The following GUCY2C variants were observed in gnomAD, a reference collection of about 807,000 sequenced individuals.
GUCY2C encodes the protein guanylate cyclase 2C, also known as guanylyl cyclase C.
GUCY2C carries 118 observed loss-of-function variants against 131.1 expected under a neutral mutation model. That is an observed-to-expected ratio of 0.90 (90% CI 0.78 to 1.05). GUCY2C has a LOEUF of 1.05. GUCY2C is among the 50% of genes least tolerant of loss of function. The probability of loss-of-function intolerance (pLI) is 0.00; values close to 1 mark genes in which losing one functional copy is unlikely to be tolerated. For missense variants in GUCY2C, 1,161 were observed against 1,304.4 expected, an observed-to-expected ratio of 0.89 and a Z score of 1.69; for synonymous variants, 452 against 457.8, an observed-to-expected ratio of 0.99 and a Z score of 0.16.
Position 14,625,327 on chromosome 12 carries a change from A to AT in GUCY2C, c.2408+429dup, listed in dbSNP as rs10574172. ...GAACAAGGCTTAGCAAAGTACATGC[A>AT]TTTTTTTTTTTTTTTTTTGAGACGG... On this transcript the variant is annotated intron_variant, in intron 21 of 26. Coordinates refer to ENST00000261170, the MANE Select transcript of GUCY2C (RefSeq NM_004963.4). Among the ~76,000 whole-genome samples, 112 of 129,980 alleles carry AT rather than the reference A, an allele frequency of 8.6e-4. 1 individual carries two copies. The highest frequency in any genetic ancestry group is 3.1e-3 in the African/African-American group (111 of 35,252). 85.3% of individuals were successfully genotyped at this position (129,980 alleles called of 152,430 possible).
chr12:14,671,240 T>A (rs1422336799), intron 9 of GUCY2C, among the ~76,000 whole-genome samples: 1 of 152,112 alleles, frequency 6.6e-6, no homozygotes, highest in Non-Finnish European at 1.5e-5. Context: ...CAGGTTCAAA[T>A]GACTCTCCTG....
At chr12:14,649,830 A>G (rs1333557179) in intron 15 of GUCY2C, among the ~76,000 whole-genome samples, 1 of 152,192 alleles carries the variant, frequency 6.6e-6, no homozygotes, top group African/African-American at 2.4e-5. Flanking sequence ...ATACCAATTA[A>G]TAGAGCCTAG....
Position 14,613,391 on chromosome 12 carries a change from G to T in GUCY2C, c.3048-100C>A. ...CAGTTCAGTTAGTCAGTTACTCTTT[G>T]AATGCCTATTCTGTGCTAGACACAG... On this transcript the variant is annotated intron_variant, in intron 26 of 26. Coordinates refer to ENST00000261170, the MANE Select transcript of GUCY2C (RefSeq NM_004963.4). This position sits in a 1 kb window ranked among gnomAD's most constrained non-coding sequence, Gnocchi z 4.9. The T allele has an allele frequency of 1.2e-6, 1 of 867,052 alleles. No individual in the cohort carries two copies. The highest frequency in any genetic ancestry group is 1.9e-6 in the Non-Finnish European group (1 of 523,334). 53.7% of individuals were successfully genotyped at this position (867,052 alleles called of 1,614,324 possible).
intron 11 of GUCY2C, among the ~76,000 whole-genome samples, chr12:14,660,075 T>C (rs528894647): frequency 6.6e-6 from 1 of 152,224 alleles, no homozygotes; most frequent in Non-Finnish European, 1.5e-5. Flanking sequence ...TGTTGTCAGA[T>C]TGAAGAAAAT....
Position 14,613,025 on chromosome 12 carries a change from C to T in GUCY2C, c.*92G>A. On this transcript the variant is annotated 3_prime_UTR_variant, in exon 27 of 27. Coordinates refer to ENST00000261170, the MANE Select transcript of GUCY2C (RefSeq NM_004963.4). This position sits in a 1 kb window ranked among gnomAD's most constrained non-coding sequence, Gnocchi z 4.9. Reference sequence around the variant, plus strand: ...AAGTACATTTCTGCTTCATTGAGGTCTCAGGAAAATGTAAGCTTTCAGGAC... The same window carrying T: ...AAGTACATTTCTGCTTCATTGAGGTTTCAGGAAAATGTAAGCTTTCAGGAC... 9.6e-7 allele frequency: 1 copy of T among 1,043,206 alleles called. No homozygotes were observed. Among genetic ancestry groups the T allele is most frequent in the Non-Finnish European group, 1.5e-6 (1 of 687,620 alleles). The allele number at this position is 1,043,206 out of a possible 1,614,324, so 64.6% of individuals were successfully genotyped here.
At chr12:14,637,471 A>C (rs1482804607) in intron 19 of GUCY2C, among the ~76,000 whole-genome samples, 1 of 152,164 alleles carries the variant, frequency 6.6e-6, no homozygotes, top group Non-Finnish European at 1.5e-5. Flanking sequence ...AAAGAGCCCA[A>C]ATAGCCAAAG....
chr12:14,646,586 A>G (rs1363642027), intron 15 of GUCY2C, among the ~76,000 whole-genome samples: 2 of 152,238 alleles, frequency 1.3e-5, no homozygotes, highest in African/African-American at 4.8e-5. Flanking sequence ...ACAATATAAA[A>G]AAGAAGAATA....
At chr12:14,662,491 A>G (rs1320845961) in intron 10 of GUCY2C, among the ~76,000 whole-genome samples, 1 of 152,056 alleles carries the variant, frequency 6.6e-6, no homozygotes, top group Non-Finnish European at 1.5e-5. Flanking sequence ...CCTAGCCAAC[A>G]TGGCAAAACC....
chr12:14,625,987 C>G, intron 20 of GUCY2C, 72 bp from the exon 21 acceptor site: 1 of 862,592 alleles, frequency 1.2e-6, no homozygotes, highest in Non-Finnish European at 1.8e-6. Context: ...AAACAATGGA[C>G]AAATATGATG....
intron 10 of GUCY2C, among the ~76,000 whole-genome samples, chr12:14,664,295 C>A (rs1947925836): frequency 6.6e-6 from 1 of 152,110 alleles, no homozygotes; most frequent in Non-Finnish European, 1.5e-5. Flanking sequence ...ATTCTCACGC[C>A]CTAAACCCCA....
chr12:14,643,712 AT>A lies in GUCY2C; in HGVS notation c.1798-7del. The A allele has an allele frequency of 6.2e-7, 1 of 1,608,710 alleles. No individual in the cohort carries two copies. The highest frequency in any genetic ancestry group is 1.3e-5 in the African/African-American group (1 of 74,692). ...GAGTGCAGATATGACATTCCCTGTAATTTTTTAGATGATAGAAAAACAGAAA... is the reference window on the plus strand; with the variant it reads ...GAGTGCAGATATGACATTCCCTGTAATTTTTAGATGATAGAAAAACAGAAA... On this transcript the variant is annotated splice_polypyrimidine_tract_variant and splice_region_variant and intron_variant, in intron 16 of 26. Coordinates refer to ENST00000261170, the MANE Select transcript of GUCY2C (RefSeq NM_004963.4).
chr12:14,694,888 A>G (rs1052329093), intron 1 of GUCY2C, among the ~76,000 whole-genome samples: 1 of 152,208 alleles, frequency 6.6e-6, no homozygotes, highest in African/African-American at 2.4e-5. Context: ...AATGCAGAAA[A>G]TGAAAATGTT....
Position 14,642,211 on chromosome 12 carries a change from T to C in GUCY2C, c.1931-992A>G, listed in dbSNP as rs372269093. 2.5e-3 allele frequency among the ~76,000 whole-genome samples: 386 copies of C among 152,314 alleles called. 1 individual carries two copies. Among genetic ancestry groups the C allele is most frequent in the South Asian group, 0.01 (50 of 4,830 alleles). ...TTTACTCACAGTTTACTCCTGTCCC[T>C]GCCACTCCCTAGTGCTTACATCTAG... is the stretch of plus-strand genomic sequence containing the variant. On this transcript the variant is annotated intron_variant, in intron 17 of 26. Coordinates refer to ENST00000261170, the MANE Select transcript of GUCY2C (RefSeq NM_004963.4).
At chr12:14,631,916 T>A (rs1424189498) in intron 19 of GUCY2C, among the ~76,000 whole-genome samples, 87 of 148,726 alleles carry the variant, frequency 5.8e-4, no homozygotes, top group Non-Finnish European at 9.0e-4. Flanking sequence ...TTTTAATGAT[T>A]GCCATTCTAA....
At chr12:14,627,613 G>C (rs545831751) in intron 20 of GUCY2C, among the ~76,000 whole-genome samples, 2 of 152,144 alleles carry the variant, frequency 1.3e-5, no homozygotes, top group Non-Finnish European at 2.9e-5. Flanking sequence ...TAAAACCCCA[G>C]TATCAGTATT....
rs1397028918 is a variant in GUCY2C at position 14,664,292 on chromosome 12, C to T, written c.1283-3230G>A. On this transcript the variant is annotated intron_variant, in intron 10 of 26. Transcript: ENST00000261170. ...ACTATTGCCACTCCCACCATTCTCA[C>T]GCCCTAAACCCCAGAAAACGAAAGT... 2.0e-5 allele frequency among the ~76,000 whole-genome samples: 3 copies of T among 152,124 alleles called. No homozygotes were observed. The South Asian group carries it at 6.2e-4, about 32-fold the overall frequency.
At position 14,665,040 on chromosome 12, in the gene GUCY2C, C is replaced by T. The variant is rs542265789; in HGVS notation, c.1283-3978G>A. On this transcript the variant is annotated intron_variant, in intron 10 of 26. Coordinates refer to ENST00000261170, the MANE Select transcript of GUCY2C (RefSeq NM_004963.4). The stretch of plus-strand genomic sequence containing the variant: ...CAGCCTGGCCAACATGGTGAAACCC[C>T]GTCTCCACTAAAAACATAAAAATTA... Among the ~76,000 whole-genome samples, 563 of 151,916 alleles carry T rather than the reference C, an allele frequency of 3.7e-3. 2 individuals carry two copies. Among genetic ancestry groups the T allele is most frequent in the Non-Finnish European group, 5.6e-3 (381 of 67,952 alleles).
At chr12:14,629,003 T>A (rs1023084757) in intron 19 of GUCY2C, among the ~76,000 whole-genome samples, 3 of 152,158 alleles carry the variant, frequency 2.0e-5, no homozygotes, top group Non-Finnish European at 2.9e-5. Context: ...GGAGACTAAG[T>A]GAATTTACAA....
chr12:14,625,641 A>G (rs1946998345), intron 21 of GUCY2C, 116 bp downstream of exon 21: 1 of 1,114,114 alleles, frequency 9.0e-7, no homozygotes, highest in Non-Finnish European at 1.3e-6. Context: ...CAGTACGTGC[A>G]TTTTAAAACC....
Sources: gnomAD v4.1 joint callset for allele counts (sites outside exome capture counted in the v4.1 genomes callset) on GRCh38, gnomAD v4.1.1 for gene constraint, Gnocchi (gnomAD v3.1) non-coding constraint, MANE v1.5 for transcripts, NCBI Gene and HGNC (gene_info 2026-07-23, HGNC 2026-07-21) for gene names.